The following CCPG1 variants were observed in gnomAD, a reference collection of about 807,000 sequenced individuals.
CCPG1 encodes cell cycle progression 1.
Under a neutral mutation model 81.3 loss-of-function variants are expected in CCPG1, and 46 were observed. That is an observed-to-expected ratio of 0.57 (90% CI 0.45 to 0.72). The LOEUF is 0.72. Among genes scored for constraint, CCPG1 ranks in the 30% least tolerant of loss-of-function variants. The pLI is 0.00. For synonymous variants in CCPG1, 330 were observed against 305.2 expected (o/e 1.08, Z -0.85); for missense variants, 902 against 937.6 (o/e 0.96, Z 0.50).
intron 1 of CCPG1, among the ~76,000 whole-genome samples, chr15:55,401,551 C>G (rs532380050): frequency 2.6e-5 from 4 of 152,128 alleles, no homozygotes; most frequent in African/African-American, 9.6e-5. Context: ...CCTGTAATCC[C>G]AGCTATTCGG....
At chr15:55,359,177 GAATA>G in intron 8 of CCPG1, 1 of 979,508 alleles carries the variant, frequency 1.0e-6, no homozygotes, top group Non-Finnish European at 1.2e-6. Context: ...TTCCAAAAGT[GAATA>G]AATACATAAA....
rs2057176170 is a variant in CCPG1, at chr15:55,404,265, A to C, written c.-10+3956T>G. Among the ~76,000 whole-genome samples, 6 of 152,198 alleles carry C rather than the reference A, an allele frequency of 3.9e-5. No homozygotes were observed. The South Asian group carries it at 1.2e-3, about 32-fold the overall frequency. On this transcript the variant is annotated intron_variant, in intron 1 of 8. Transcript: ENST00000442196. ...CAGTGTTTTTTGTAAAACACTTTAG[A>C]ATAGATATTTTATCCAGTGTTAATG...
chr15:55,399,417 C>T (rs374297064), intron 1 of CCPG1, among the ~76,000 whole-genome samples: 1 of 63,144 alleles, frequency 1.6e-5, no homozygotes, highest in Non-Finnish European at 3.5e-5. Context: ...ACTAAAAATA[C>T]AAAAAAAAAA....
In CCPG1 at chr15:55,360,052, T is replaced by C; in HGVS notation, c.1721A>G (p.Tyr574Cys). 1.2e-6 allele frequency: 2 copies of C among 1,613,918 alleles called. No homozygotes were observed. The highest frequency in any genetic ancestry group is 1.7e-6 in the Non-Finnish European group (2 of 1,180,004). Reference protein sequence around the residue: ...TVFSDYLHPQYKAPTENHHNR... With the variant: ...TVFSDYLHPQCKAPTENHHNR... ...ATGATGGTTTTCTGTAGGTGCCTTATACTGTGGATGTAAATAGTCACTAAA... is the reference window on the plus strand; with the variant it reads ...ATGATGGTTTTCTGTAGGTGCCTTACACTGTGGATGTAAATAGTCACTAAA... Residue 574 changes from tyrosine to cysteine, a missense_variant, in exon 8 of 9, where the codon TAT (tyrosine) becomes TGT (cysteine). Physicochemically the swap from Tyr to Cys is radical, Grantham distance 194. Coordinates refer to ENST00000442196, the MANE Select transcript of CCPG1 (RefSeq NM_001204450.2).
Position 55,359,922 on chromosome 15 carries a change from A to G in CCPG1, c.1851T>C (p.Asp617=), listed in dbSNP as rs765016492. The change falls in exon 8 of 9, where the codon GAT becomes GAC. Residue 617 remains aspartate, a synonymous_variant. Coordinates refer to ENST00000442196, the MANE Select transcript of CCPG1 (RefSeq NM_001204450.2). ...TGAAAGAATGAGAATTTTCTCTACA[A>G]TCATGCCCAGGACTGCATTTCTTTG... ...TNSKKCSPGH[D]CRENSHSFRK... The G allele has an allele frequency of 2.5e-6, 4 of 1,613,612 alleles. No individual in the cohort carries two copies. Among genetic ancestry groups the G allele is most frequent in the Admixed American group, 3.3e-5 (2 of 59,992 alleles).
chr15:55,388,662 G>A (rs1249783133), intron 2 of CCPG1, among the ~76,000 whole-genome samples: 1 of 152,112 alleles, frequency 6.6e-6, no homozygotes, highest in Non-Finnish European at 1.5e-5. Flanking sequence ...CTACTTGGGA[G>A]GATCACTTGA....
In CCPG1 at chr15:55,377,009, C is replaced by T; in HGVS notation, c.394G>A (p.Glu132Lys). The T allele has an allele frequency of 5.6e-6, 9 of 1,613,872 alleles. No homozygotes were observed. The highest frequency in any genetic ancestry group is 7.6e-6 in the Non-Finnish European group (9 of 1,179,968). ...VVIVEEAQSS[E>K]DFNMGSSSSS... ...GAGGAAGAGCCCATGTTAAAGTCTT[C>T]TGAACTCTGTGCTTCTTCAACAATG... The change falls in exon 5 of 9, where the codon GAA becomes AAA. Residue 132 changes from glutamate to lysine, a missense_variant. Glu to Lys is a moderately conservative substitution (Grantham distance 56, BLOSUM62 1). Around this residue, in one of 3 missense-constraint regions of CCPG1, gnomAD observed 746 missense variants for 728.6 expected, o/e 1.02. Transcript: ENST00000442196.
chr15:55,402,026 C>T (rs1217691677), intron 1 of CCPG1, among the ~76,000 whole-genome samples: 4 of 152,128 alleles, frequency 2.6e-5, no homozygotes, highest in Admixed American at 2.6e-4. Flanking sequence ...CTGTCTTCTC[C>T]CATGAAATTT....
At chr15:55,375,047 T>C (rs2056535325) in intron 5 of CCPG1, among the ~76,000 whole-genome samples, 1 of 152,220 alleles carries the variant, frequency 6.6e-6, no homozygotes, top group Non-Finnish European at 1.5e-5. Context: ...ATTTGGTTTA[T>C]TGAAACAATA....
chr15:55,395,225 T>A (rs763770364), intron 1 of CCPG1, among the ~76,000 whole-genome samples: 8 of 151,772 alleles, frequency 5.3e-5, no homozygotes, highest in Non-Finnish European at 1.0e-4. Context: ...TAAGCAAAAC[T>A]AACAGGCTTA....
intron 4 of CCPG1, among the ~76,000 whole-genome samples, chr15:55,377,565 ATG>A (rs568628378): frequency 0.011 from 1,627 of 152,350 alleles, 15 homozygotes; most frequent in Non-Finnish European, 0.017. Context: ...CTTGTACTGA[ATG>A]TATCTGAAGG....
rs1392655957 is a variant in CCPG1, at chr15:55,389,389, A to G, written c.36T>C (p.Cys12=). The change falls in exon 2 of 9, where the codon TGT becomes TGC. Residue 12 remains cysteine (C), a synonymous_variant. Coordinates refer to ENST00000442196, the MANE Select transcript of CCPG1 (RefSeq NM_001204450.2). ...CCTCATGACTGATGACAGTCCAACCACAAGATGAATCACTGTCACTGGAAT... is the reference window on the plus strand; with the variant it reads ...CCTCATGACTGATGACAGTCCAACCGCAAGATGAATCACTGTCACTGGAAT... ...SENSSDSDSS[C]GWTVISHEGS... 1 of 1,611,382 alleles carries G rather than the reference A, an allele frequency of 6.2e-7. No homozygotes were observed.
At chr15:55,359,278 A>G in intron 8 of CCPG1, 4 of 1,140,344 alleles carry the variant, frequency 3.5e-6, no homozygotes, top group Non-Finnish European at 4.3e-6. Flanking sequence ...GTAGGATTTT[A>G]TATATTCTTA....
At chr15:55,358,555 G>C in intron 8 of CCPG1, 1 of 985,330 alleles carries the variant, frequency 1.0e-6, no homozygotes, top group African/African-American at 1.7e-5. Flanking sequence ...TTCCTTTTAA[G>C]TGAAATTCCC....
At chr15:55,377,273 A>C (rs138203961) in intron 4 of CCPG1, 123 bp from the exon 5 acceptor site, 86 of 687,888 alleles carry the variant, frequency 1.3e-4, no homozygotes, top group Middle Eastern at 4.1e-4. Context: ...TATGATTCCT[A>C]CTATTAGTAA....
chr15:55,386,635 C>T (rs2056804623), intron 2 of CCPG1, among the ~76,000 whole-genome samples: 1 of 152,164 alleles, frequency 6.6e-6, no homozygotes, highest in Non-Finnish European at 1.5e-5. Flanking sequence ...TGGCTCACGC[C>T]TGTAATCCCA....
chr15:55,366,617 C>T (rs73421633), intron 6 of CCPG1, among the ~76,000 whole-genome samples: 26,168 of 151,946 alleles, frequency 0.17, 3,814 homozygotes, highest in African/African-American at 0.4. Context: ...ACTAAAAATA[C>T]AATATTAGCC....
intron 8 of CCPG1, chr15:55,357,894 G>C (rs2056114610): frequency 6.6e-6 from 1 of 152,162 alleles, no homozygotes; most frequent in African/African-American, 2.4e-5. Context: ...TTATATGCCT[G>C]TTCTGAGTAA....
chr15:55,365,382 T>C lies in CCPG1; in HGVS notation c.707-73A>G, dbSNP rs2056300870. 2.0e-5 allele frequency: 19 copies of C among 937,344 alleles called. 1 individual carries two copies. The highest frequency in any genetic ancestry group is 1.6e-4 in the East Asian group (6 of 37,502). The allele number at this position is 937,344 out of a possible 1,614,324, so 58.1% of individuals were successfully genotyped here. A position where few individuals can be genotyped will look rare whatever the true frequency, so the allele number is the denominator to read the frequency against. Reference sequence around the variant, plus strand: ...TAAATGTTTTATGTATTTTTTAATATTGGTAATCTGCATATAAGCTATGTA... The same window carrying C: ...TAAATGTTTTATGTATTTTTTAATACTGGTAATCTGCATATAAGCTATGTA... On this transcript the variant is annotated intron_variant, in intron 6 of 8. Coordinates refer to ENST00000442196, the MANE Select transcript of CCPG1 (RefSeq NM_001204450.2).
Sources: allele counts gnomAD v4.1 joint callset (sites outside exome capture counted in the v4.1 genomes callset), GRCh38; gene constraint gnomAD v4.1.1; regional missense constraint gnomAD v4.1.1; transcripts MANE v1.5; gene names NCBI Gene and HGNC (gene_info 2026-07-23, HGNC 2026-07-21).